The following POLH variants were observed in gnomAD, a reference collection of about 807,000 sequenced individuals.
The protein encoded by POLH is DNA polymerase eta transcript.
A neutral mutation model predicts 73.6 loss-of-function variants in POLH; 53 were observed. That is an observed-to-expected ratio of 0.72 (90% CI 0.58 to 0.91). The LOEUF is 0.91. POLH is among the 40% of genes least tolerant of loss of function. POLH has a pLI of 0.00. For missense variants in POLH, 768 were observed against 865.4 expected (o/e 0.89, Z 1.41); for synonymous variants, 292 against 308.5 (o/e 0.95, Z 0.56).
rs533509594 is a variant in POLH, at chr6:43,586,932, G to T, written c.273-340G>T. Among the ~76,000 whole-genome samples, 3 of 152,212 alleles carry T rather than the reference G, an allele frequency of 2.0e-5. No homozygotes were observed. The South Asian group carries it at 6.2e-4, about 32-fold the overall frequency. ...CTTGGTGGATATATGAAAATAAAAGGAATAGGTGATCATAGTAATACACAA... is the reference window on the plus strand; with the variant it reads ...CTTGGTGGATATATGAAAATAAAAGTAATAGGTGATCATAGTAATACACAA... On this transcript the variant is annotated intron_variant, in intron 3 of 10. Transcript: ENST00000372236.
chr6:43,596,299 C>T (rs1178534173), intron 4 of POLH, among the ~76,000 whole-genome samples: 11 of 152,176 alleles, frequency 7.2e-5, no homozygotes, highest in African/African-American at 9.6e-5. Context: ...CTGGCTGACA[C>T]GGTGAAACCC....
intron 6 of POLH, among the ~76,000 whole-genome samples, chr6:43,601,523 C>T (rs1267516411): frequency 6.6e-6 from 1 of 152,148 alleles, no homozygotes; most frequent in Non-Finnish European, 1.5e-5. Flanking sequence ...TCCTCAGCCT[C>T]CCAAAGTGTT....
At chr6:43,588,033 A>T (rs1445330422) in intron 4 of POLH, among the ~76,000 whole-genome samples, 2 of 152,228 alleles carry the variant, frequency 1.3e-5, no homozygotes. Flanking sequence ...ACTCCGTCTC[A>T]AAAAACAAAA....
rs1227745309 is a variant in POLH at position 43,620,515 on chromosome 6, T to C, written c.*5958T>C. 1 of 281,524 alleles carries C rather than the reference T, an allele frequency of 3.6e-6. No individual in the cohort carries two copies. Among genetic ancestry groups the C allele is most frequent in the Non-Finnish European group, 6.9e-6 (1 of 144,826 alleles). The allele number at this position is 281,524 out of a possible 1,614,324, so 17.4% of individuals were successfully genotyped here. The stretch of plus-strand genomic sequence containing the variant: ...TGTATTCAATAAAACATTTTTATTC[T>C]GTACAATATATATGTGTATTTAAAT... On this transcript the variant is annotated 3_prime_UTR_variant, in exon 11 of 11. Coordinates refer to ENST00000372236, the MANE Select transcript of POLH (RefSeq NM_006502.3).
rs1768511139 is a variant in POLH, at chr6:43,618,738, C to G, written c.*4181C>G. 6.6e-6 allele frequency among the ~76,000 whole-genome samples: 1 copy of G among 152,276 alleles called. No individual in the cohort carries two copies. Among genetic ancestry groups the G allele is most frequent in the South Asian group, 2.1e-4 (1 of 4,824 alleles). ...CTCCGCCTCCCGGGTTCAAGCGATT[C>G]TCCTGCATCAGCCTCCTGAGTAGCT... On this transcript the variant is annotated 3_prime_UTR_variant, in exon 11 of 11. Transcript: ENST00000372236.
At chr6:43,595,927 T>C (rs1765998480) in intron 4 of POLH, among the ~76,000 whole-genome samples, 1 of 151,786 alleles carries the variant, frequency 6.6e-6, no homozygotes, top group Non-Finnish European at 1.5e-5. Context: ...AAAACATCCA[T>C]CATTTAAAAT....
intron 1 of POLH, among the ~76,000 whole-genome samples, chr6:43,581,675 C>T (rs1178592844): frequency 2.1e-5 from 3 of 143,930 alleles, no homozygotes; most frequent in African/African-American, 5.6e-5. Flanking sequence ...TCCCGGCGGT[C>T]GGGCGGCGGC....
At chr6:43,578,961 A>G (rs1050083256) in intron 1 of POLH, among the ~76,000 whole-genome samples, 1 of 152,124 alleles carries the variant, frequency 6.6e-6, no homozygotes, top group African/African-American at 2.4e-5. Context: ...TCTTTTAAGG[A>G]TAAGTATTTT....
intron 9 of POLH, 87 bp downstream of exon 9, chr6:43,605,406 G>C: frequency 3.4e-6 from 2 of 587,008 alleles, no homozygotes; most frequent in Non-Finnish European, 6.5e-6. Flanking sequence ...AACAAAGACA[G>C]AAAAAAGTAT....
At chr6:43,610,294 A>G (rs1354531505) in intron 9 of POLH, among the ~76,000 whole-genome samples, 1 of 151,782 alleles carries the variant, frequency 6.6e-6, no homozygotes, top group East Asian at 1.9e-4. Flanking sequence ...CGAACTCCTG[A>G]CTTCAGGTGA....
intron 4 of POLH, among the ~76,000 whole-genome samples, chr6:43,590,371 CA>C (rs1343216736): frequency 6.8e-6 from 1 of 146,036 alleles, no homozygotes; most frequent in Non-Finnish European, 1.5e-5. Flanking sequence ...AAAAAAAAAA[CA>C]AAAAACTTGC....
intron 6 of POLH, 87 bp from the exon 7 acceptor site, chr6:43,603,805 C>G (rs1441134968): frequency 3.0e-6 from 4 of 1,316,258 alleles, no homozygotes; most frequent in Non-Finnish European, 4.4e-6. Flanking sequence ...TTTTGGAGAG[C>G]TGTTTACAAA....
intron 9 of POLH, among the ~76,000 whole-genome samples, chr6:43,606,649 G>A (rs1291443604): frequency 1.3e-5 from 2 of 151,952 alleles, no homozygotes; most frequent in Admixed American, 6.6e-5. Flanking sequence ...GGCTGATCTC[G>A]AACTCCTGAC....
Position 43,617,266 on chromosome 6 carries a change from G to A in POLH, c.*2709G>A, listed in dbSNP as rs1235967543. Among the ~76,000 whole-genome samples, 2 of 152,102 alleles carry A rather than the reference G, an allele frequency of 1.3e-5. No homozygotes were observed. Among genetic ancestry groups the A allele is most frequent in the Non-Finnish European group, 2.9e-5 (2 of 68,032 alleles). ...GAACAGCAGCCTCAGTATCACCAGG[G>A]AACTTATTAGAAATAGTCTCAGCCT... On this transcript the variant is annotated 3_prime_UTR_variant, in exon 11 of 11. Transcript: ENST00000372236.
At chr6:43,585,632 C>CTTTTTT (rs927573344) in intron 3 of POLH, among the ~76,000 whole-genome samples, 10 of 133,120 alleles carry the variant, frequency 7.5e-5, no homozygotes, top group African/African-American at 2.4e-4. Flanking sequence ...ATTGCTCTTT[C>CTTTTTT]TTTTCTTTTT....
intron 5 of POLH, 130 bp from the exon 6 acceptor site, chr6:43,600,858 T>G: frequency 1.4e-6 from 1 of 735,726 alleles, no homozygotes; most frequent in Non-Finnish European, 2.5e-6. Context: ...GGTTTTATTT[T>G]TGTTTTTAAT....
At chr6:43,607,635 C>T (rs1480685805) in intron 9 of POLH, among the ~76,000 whole-genome samples, 2 of 152,256 alleles carry the variant, frequency 1.3e-5, no homozygotes. Flanking sequence ...TTTGAGGAAT[C>T]GCCAGACTGT....
intron 9 of POLH, among the ~76,000 whole-genome samples, chr6:43,607,446 A>G (rs758682785): frequency 4.6e-5 from 7 of 152,184 alleles, no homozygotes; most frequent in African/African-American, 9.6e-5. Flanking sequence ...AATATATACC[A>G]TATTTTGCTT....
At chr6:43,604,480 G>A (rs575909467) in intron 7 of POLH, 135 bp from the exon 8 acceptor site, 11 of 892,624 alleles carry the variant, frequency 1.2e-5, no homozygotes, top group Admixed American at 6.2e-5. Context: ...TCAGAGGTCC[G>A]GTACACTAAA....
Sources: allele counts gnomAD v4.1 joint callset (sites outside exome capture counted in the v4.1 genomes callset), GRCh38; gene constraint gnomAD v4.1.1; transcripts MANE v1.5; gene names NCBI Gene and HGNC (gene_info 2026-07-23, HGNC 2026-07-21).